The following GALK1 variants were observed in gnomAD, a reference collection of about 807,000 sequenced individuals.
The protein encoded by GALK1 is galactokinase.
In GALK1, 30 loss-of-function variants were observed where a neutral mutation model predicts 38.6. The observed-to-expected ratio is 0.78, with a 90% CI of 0.58 to 1.05. GALK1 has a LOEUF of 1.05. GALK1 is among the 50% of genes least tolerant of loss of function. GALK1 has a pLI of 0.00. For synonymous variants in GALK1, 240 were observed against 233.6 expected (o/e 1.03, Z -0.25); for missense variants, 512 against 540.5 (o/e 0.95, Z 0.52).
chr17:75,758,136 G>C lies in GALK1; in HGVS notation c.1108-9C>G, dbSNP rs2061561618. On this transcript the variant is annotated splice_polypyrimidine_tract_variant and intron_variant, in intron 7 of 7. Transcript: ENST00000588479. ...GTCCCGCCGTAGTGCTCCTGTAAGAGGCGGGCTGGGGGTGAGTGGCAGGGC... is the reference window on the plus strand; with the variant it reads ...GTCCCGCCGTAGTGCTCCTGTAAGACGCGGGCTGGGGGTGAGTGGCAGGGC... The C allele has an allele frequency of 6.2e-7, 1 of 1,612,534 alleles. No homozygotes were observed. Among genetic ancestry groups the C allele is most frequent in the Non-Finnish European group, 8.5e-7 (1 of 1,179,862 alleles).
At chr17:75,759,170 G>A (rs565780306) in intron 5 of GALK1, among the ~76,000 whole-genome samples, 2 of 152,286 alleles carry the variant, frequency 1.3e-5, no homozygotes, top group African/African-American at 4.8e-5. Flanking sequence ...GCTCACACCT[G>A]TAATCCCAGC....
At chr17:75,752,439 C>T in intron 8 of GALK1, 1 of 1,613,198 alleles carries the variant, frequency 6.2e-7, no homozygotes, top group Non-Finnish European at 8.5e-7. Context: ...ACTCCCCTGC[C>T]CTGCAGTCCC....
At chr17:75,754,829 G>T (rs767841126), downstream of GALK1, 1 of 1,613,708 alleles carries the variant, frequency 6.2e-7, no homozygotes, top group Non-Finnish European at 8.5e-7. Flanking sequence ...AGTGACCTCA[G>T]CCAACCCTGC....
chr17:75,752,727 G>GCACTC, intron 8 of GALK1: 1 of 1,008,570 alleles, frequency 9.9e-7, no homozygotes, highest in Non-Finnish European at 1.5e-6. Flanking sequence ...GCACATCTGT[G>GCACTC]CATGGGGCAC....
downstream of GALK1, chr17:75,754,868 G>C: frequency 6.2e-7 from 1 of 1,612,270 alleles, no homozygotes; most frequent in Non-Finnish European, 8.5e-7. Flanking sequence ...CTCTCTTCCA[G>C]CTCCTGGAGC....
Position 75,758,534 on chromosome 17 carries a change from G to T in GALK1, c.859C>A (p.Arg287Ser). The change falls in exon 6 of 8, where the codon CGC (arginine) becomes AGC (serine). Residue 287 changes from arginine to serine, a missense_variant. By Grantham distance (110) the Arg-to-Ser change is moderately radical. Transcript: ENST00000588479. ...RARHVVGEIR[R>S]TAQAAAALRR... Reference sequence around the variant, plus strand: ...AGGGCGGCCGCTGCCTGGGCCGTGCGCCGAATCTCCCCCACCACGTGCCGG... The same window carrying T: ...AGGGCGGCCGCTGCCTGGGCCGTGCTCCGAATCTCCCCCACCACGTGCCGG... The T allele has an allele frequency of 6.3e-7, 1 of 1,593,126 alleles. No homozygotes were observed. The highest frequency in any genetic ancestry group is 1.1e-5 in the South Asian group (1 of 88,758).
downstream of GALK1, chr17:75,757,187 C>G (rs375114301): frequency 1.2e-5 from 20 of 1,612,596 alleles, no homozygotes; most frequent in Non-Finnish European, 1.6e-5. Context: ...ACTGGCCTAT[C>G]TGCCCACCCC....
downstream of GALK1, chr17:75,753,992 C>A: frequency 2.7e-6 from 3 of 1,114,778 alleles, no homozygotes; most frequent in Non-Finnish European, 3.4e-6. Flanking sequence ...GCTCACCCGC[C>A]GCCCCCCGAT....
At chr17:75,754,905 C>G, downstream of GALK1, 1 of 1,581,558 alleles carries the variant, frequency 6.3e-7, no homozygotes, top group Non-Finnish European at 8.7e-7. Flanking sequence ...CTGTCCCCAC[C>G]GCCCATTCTC....
At chr17:75,754,501 T>C (rs1276876164), downstream of GALK1, 2 of 1,595,338 alleles carry the variant, frequency 1.3e-6, no homozygotes, top group African/African-American at 2.7e-5. Context: ...ACCAGGAATG[T>C]GCAGGGCCCA....
At position 75,752,371 on chromosome 17, in the gene GALK1, G is replaced by C. The variant is rs2603499; in HGVS notation, c.*23-634C>G. The C allele has an allele frequency of 0.032, 51,309 of 1,612,536 alleles. 987 individuals are homozygous for C. Among genetic ancestry groups the C allele is most frequent in the Non-Finnish European group, 0.036 (42,523 of 1,179,698 alleles). On this transcript the variant is annotated intron_variant, in intron 8 of 8. Coordinates refer to the GALK1 transcript ENST00000225614. ...GCCCATGTCCAGTGAGTGGTGGGCA[G>C]GGAGGTGAGGGGCAGACCGGGCAGG...
intron 8 of GALK1, chr17:75,752,118 G>A (rs751929641): frequency 4.5e-6 from 7 of 1,567,538 alleles, no homozygotes; most frequent in Non-Finnish European, 6.1e-6. Flanking sequence ...GTCAGGGGTG[G>A]TGTTGGGACC....
At chr17:75,755,258 A>G, downstream of GALK1, 2 of 1,575,974 alleles carry the variant, frequency 1.3e-6, no homozygotes, top group East Asian at 4.5e-5. Context: ...GTCCTGCTCC[A>G]TCTGTCATCC....
chr17:75,753,204 G>A (rs931010211), downstream of GALK1, among the ~76,000 whole-genome samples: 3 of 152,200 alleles, frequency 2.0e-5, no homozygotes, highest in Admixed American at 6.5e-5. Context: ...TGTCCCTGCC[G>A]ATGCCTCAAG....
chr17:75,754,667 C>A (rs2061445733), downstream of GALK1: 1 of 1,613,982 alleles, frequency 6.2e-7, no homozygotes. Flanking sequence ...CTGCCTATGG[C>A]ACCCACCTGA....
intron 8 of GALK1, chr17:75,752,123 G>A (rs2061380508): frequency 6.3e-7 from 1 of 1,586,520 alleles, no homozygotes. Flanking sequence ...GGGTGGTGTT[G>A]GGACCAGGCT....
intron 1 of GALK1, chr17:75,764,662 T>C (rs913996510): frequency 3.8e-6 from 2 of 524,266 alleles, no homozygotes; most frequent in African/African-American, 1.9e-5. Context: ...CCCTTCTGCG[T>C]GGCACACAGG....
intron 8 of GALK1, chr17:75,752,581 A>G (rs2061393809): frequency 8.1e-6 from 13 of 1,613,442 alleles, no homozygotes; most frequent in Non-Finnish European, 1.1e-5. Flanking sequence ...GACACTGGTG[A>G]GTGGAGACCT....
chr17:75,751,512 A>AG (rs543779856), downstream of GALK1: 147 of 283,556 alleles, frequency 5.2e-4, no homozygotes, highest in Middle Eastern at 1.3e-3. Context: ...GTACATTGAG[A>AG]GGCCGAGGCA....
Sources: gnomAD v4.1 joint callset for allele counts (sites outside exome capture counted in the v4.1 genomes callset) on GRCh38, gnomAD v4.1.1 for gene constraint, MANE v1.5 for transcripts, NCBI Gene and HGNC (gene_info 2026-07-23, HGNC 2026-07-21) for gene names.